Variants in DLGAP3 observed in about 807,000 individuals in gnomAD.
The protein encoded by DLGAP3 is disks large-associated protein 3.
A neutral mutation model predicts 81.2 loss-of-function variants in DLGAP3; 17 were observed. That is an observed-to-expected ratio of 0.21 (90% CI 0.14 to 0.31). DLGAP3 has a LOEUF of 0.31. Among genes scored for constraint, DLGAP3 ranks in the 10% least tolerant of loss-of-function variants. The probability of loss-of-function intolerance (pLI) is 1.00; values close to 1 mark genes in which losing one functional copy is unlikely to be tolerated. For missense variants in DLGAP3, 1,124 were observed against 1,388.0 expected (o/e 0.81, Z 3.02); for synonymous variants, 577 against 587.4 (o/e 0.98, Z 0.26).
Position 34,885,736 on chromosome 1 carries a change from G to T in DLGAP3, c.1656C>A (p.Pro552=), listed in dbSNP as rs745752868. 5 of 1,420,350 alleles carry T rather than the reference G, an allele frequency of 3.5e-6. No individual in the cohort carries two copies. The highest frequency in any genetic ancestry group is 4.6e-6 in the Non-Finnish European group (5 of 1,095,682). 88.0% of individuals were successfully genotyped at this position (1,420,350 alleles called of 1,614,324 possible). A position where few individuals can be genotyped will look rare whatever the true frequency, so the allele number is the denominator to read the frequency against. ...TGCTCTGGGCGGTGATGGAGATGCG[G>T]GGCGGGGCCTGGCTTCCCGGCGGGA... ...PPIPPGSQAP[P]RISITAQSST... is the part of the protein sequence containing the mutation. Residue 552 remains proline, a synonymous_variant, in exon 7 of 12, where the codon CCC becomes CCA. Transcript: ENST00000373347.
intron 5 of DLGAP3, among the ~76,000 whole-genome samples, chr1:34,897,070 A>G (rs1233314883): frequency 6.6e-6 from 1 of 152,224 alleles, no homozygotes; most frequent in Non-Finnish European, 1.5e-5. Flanking sequence ...AAAAAGCTTT[A>G]AAGTAAAAGA....
At position 34,902,026 on chromosome 1, in the gene DLGAP3, T is replaced by C. The variant is rs1446088074; in HGVS notation, c.1108-1753A>G. On this transcript the variant is annotated intron_variant, in intron 3 of 11. Coordinates refer to ENST00000373347, the MANE Select transcript of DLGAP3 (RefSeq NM_001080418.3). The surrounding 1 kb of genome is among the most constrained non-coding windows in gnomAD (Gnocchi z 4.4). The stretch of plus-strand genomic sequence containing the variant: ...TGGGATGGGTGGTCCCAGCTTTTCC[T>C]ATGAGCCAAGGAAGGGGACGAGGGT... 1.3e-5 allele frequency among the ~76,000 whole-genome samples: 2 copies of C among 152,118 alleles called. No homozygotes were observed. The highest frequency in any genetic ancestry group is 3.9e-4 in the East Asian group (2 of 5,192).
chr1:34,885,971 C>T, intron 6 of DLGAP3, 101 bp downstream of exon 6: 13 of 1,282,522 alleles, frequency 1.0e-5, no homozygotes, highest in Non-Finnish European at 1.3e-5. Context: ...CGGGAGCGAG[C>T]GATCTGCGCG....
chr1:34,874,036 A>G (rs573625161), intron 8 of DLGAP3, among the ~76,000 whole-genome samples: 3 of 152,214 alleles, frequency 2.0e-5, no homozygotes, highest in Non-Finnish European at 4.4e-5. Context: ...TAAAAGTAGA[A>G]GTGGCATGTG....
In DLGAP3 at chr1:34,902,266, T is replaced by C. The variant is rs569641549; in HGVS notation, c.1108-1993A>G. Among the ~76,000 whole-genome samples, 1 of 151,682 alleles carries C rather than the reference T, an allele frequency of 6.6e-6. No individual in the cohort carries two copies. Among genetic ancestry groups the C allele is most frequent in the East Asian group, 1.9e-4 (1 of 5,150 alleles). ...GTAACGCCTCAGGGACAGCATAGGG[T>C]TCAGGGGAAAGGTGGAGACTCTGGG... On this transcript the variant is annotated intron_variant, in intron 3 of 11. Coordinates refer to ENST00000373347, the MANE Select transcript of DLGAP3 (RefSeq NM_001080418.3). The surrounding 1 kb of genome is among the most constrained non-coding windows in gnomAD (Gnocchi z 4.4).
At chr1:34,887,230 T>C (rs1277024570) in intron 5 of DLGAP3, among the ~76,000 whole-genome samples, 4 of 152,002 alleles carry the variant, frequency 2.6e-5, no homozygotes, top group Admixed American at 2.0e-4. Flanking sequence ...GCTGGGATTA[T>C]AGGCGTGAGC....
At chr1:34,907,710 CT>C (rs201602481) in intron 1 of DLGAP3, among the ~76,000 whole-genome samples, 2 of 151,626 alleles carry the variant, frequency 1.3e-5, no homozygotes, top group East Asian at 1.9e-4. Context: ...GTTGTTTTTT[CT>C]TTTTTTTTCC....
At chr1:34,890,287 G>A (rs971905269) in intron 5 of DLGAP3, among the ~76,000 whole-genome samples, 13 of 152,154 alleles carry the variant, frequency 8.5e-5, no homozygotes, top group African/African-American at 3.1e-4. Context: ...ATTTCCTGGG[G>A]AACTCACTCC....
At chr1:34,913,271 C>T (rs1029831847) in intron 1 of DLGAP3, among the ~76,000 whole-genome samples, 7 of 152,174 alleles carry the variant, frequency 4.6e-5, no homozygotes, top group Non-Finnish European at 8.8e-5. Context: ...CCAAAACACT[C>T]GAGCCATTTA....
intron 1 of DLGAP3, among the ~76,000 whole-genome samples, chr1:34,917,877 T>C (rs556716857): frequency 3.9e-5 from 6 of 152,262 alleles, no homozygotes; most frequent in African/African-American, 9.6e-5. Flanking sequence ...CTCTCTGGGG[T>C]TGGCCAGGCA....
At chr1:34,905,472 G>C in intron 2 of DLGAP3, 38 bp from the exon 3 acceptor site, 1 of 1,386,398 alleles carries the variant, frequency 7.2e-7, no homozygotes, top group Admixed American at 2.6e-5. Flanking sequence ...GAATTGAACA[G>C]CCCTCTTCAC....
At chr1:34,893,918 G>A (rs1249056198) in intron 5 of DLGAP3, among the ~76,000 whole-genome samples, 1 of 152,218 alleles carries the variant, frequency 6.6e-6, no homozygotes, top group Non-Finnish European at 1.5e-5. Flanking sequence ...CTGGCATGGT[G>A]GCTCATGCCT....
chr1:34,874,922 T>TA (rs1639028507), intron 8 of DLGAP3, among the ~76,000 whole-genome samples: 1 of 152,036 alleles, frequency 6.6e-6, no homozygotes, highest in Non-Finnish European at 1.5e-5. Context: ...TGAAGGCATC[T>TA]AAGAGCCTAA....
intron 8 of DLGAP3, among the ~76,000 whole-genome samples, chr1:34,880,709 G>C (rs1639132293): frequency 1.3e-5 from 2 of 151,820 alleles, no homozygotes; most frequent in Admixed American, 6.6e-5. Flanking sequence ...AAGAAGAAAT[G>C]CAAAGGGAGA....
intron 5 of DLGAP3, among the ~76,000 whole-genome samples, chr1:34,893,209 C>CCAG (rs1468389180): frequency 6.6e-6 from 1 of 150,826 alleles, no homozygotes; most frequent in African/African-American, 2.4e-5. Context: ...ACAATGAACA[C>CCAG]CAGAAGGCAG....
chr1:34,923,998 G>C (rs1569672379), intron 1 of DLGAP3, among the ~76,000 whole-genome samples: 1 of 152,088 alleles, frequency 6.6e-6, no homozygotes, highest in Non-Finnish European at 1.5e-5. Context: ...TTGGGGATGG[G>C]AAGTGAAGCC....
rs568863244 is a variant in DLGAP3 at position 34,890,093 on chromosome 1, A to G, written c.1387-3808T>C. ...GCTGATGACAAGGAAGCTGGTCTGA[A>G]GTACAGGGATGGCGGGAAGGGAAAA... On this transcript the variant is annotated intron_variant, in intron 5 of 11. Transcript: ENST00000373347. 3.3e-5 allele frequency among the ~76,000 whole-genome samples: 5 copies of G among 152,332 alleles called. No individual in the cohort carries two copies. In the East Asian group the frequency reaches 9.6e-4, roughly 29 times the overall value.
rs1227344045 is a variant in DLGAP3, at chr1:34,900,958, G to A, written c.1108-685C>T. On this transcript the variant is annotated intron_variant, in intron 3 of 11. Coordinates refer to ENST00000373347, the MANE Select transcript of DLGAP3 (RefSeq NM_001080418.3). The surrounding 1 kb of genome is among the most constrained non-coding windows in gnomAD (Gnocchi z 5.6). ...GCCTGATTAGACGTGGGGGATGAGG[G>A]GGCGGGAGGAGTCGAGGATGACTGC... Among the ~76,000 whole-genome samples the A allele has an allele frequency of 6.6e-6, 1 of 152,098 alleles. No homozygotes were observed.
At chr1:34,898,834 C>G (rs538323824) in intron 5 of DLGAP3, among the ~76,000 whole-genome samples, 2 of 152,346 alleles carry the variant, frequency 1.3e-5, no homozygotes, top group South Asian at 4.1e-4. Context: ...ATATGGAACT[C>G]ACATTTATAA....
Sources: gnomAD v4.1 joint callset for allele counts (sites outside exome capture counted in the v4.1 genomes callset) on GRCh38, gnomAD v4.1.1 for gene constraint, Gnocchi (gnomAD v3.1) non-coding constraint, MANE v1.5 for transcripts, NCBI Gene and HGNC (gene_info 2026-07-23, HGNC 2026-07-21) for gene names.